The following OXR1 variants were observed in gnomAD, a reference collection of about 807,000 sequenced individuals.
OXR1 encodes oxidation resistance protein 1.
OXR1 carries 41 observed loss-of-function variants against 104.6 expected under a neutral mutation model. That is an observed-to-expected ratio of 0.39 (90% CI 0.31 to 0.51). OXR1 has a LOEUF of 0.51. OXR1 is among the 20% of genes least tolerant of loss of function. The probability of loss-of-function intolerance (pLI) is 0.77; values close to 1 mark genes in which losing one functional copy is unlikely to be tolerated. For synonymous variants in OXR1, 348 were observed against 348.4 expected (o/e 1.00, Z 0.01); for missense variants, 955 against 1,031.9 (o/e 0.93, Z 1.02).
intron 2 of OXR1, among the ~76,000 whole-genome samples, chr8:106,361,137 G>A (rs1366391201): frequency 3.9e-5 from 6 of 152,174 alleles, no homozygotes; most frequent in Admixed American, 6.6e-5. Flanking sequence ...CAGCCCAATT[G>A]TCCAGCACAG....
intron 2 of OXR1, among the ~76,000 whole-genome samples, chr8:106,422,277 A>G (rs192059151): frequency 5.9e-5 from 9 of 152,300 alleles, no homozygotes; most frequent in Admixed American, 1.3e-4. Flanking sequence ...TCCACTACAA[A>G]GATACAAAGT....
intron 3 of OXR1, among the ~76,000 whole-genome samples, chr8:106,647,302 C>T (rs1051026103): frequency 9.9e-5 from 15 of 152,128 alleles, no homozygotes; most frequent in African/African-American, 3.4e-4. Flanking sequence ...TAATATTAGA[C>T]TCTCTCCCAG....
At chr8:106,441,822 A>C (rs756354074) in intron 2 of OXR1, among the ~76,000 whole-genome samples, 1 of 152,124 alleles carries the variant, frequency 6.6e-6, no homozygotes, top group Non-Finnish European at 1.5e-5. Context: ...TTGGGGTGAG[A>C]TGATGGGGTT....
intron 2 of OXR1, among the ~76,000 whole-genome samples, chr8:106,395,223 A>G (rs905959265): frequency 3.3e-5 from 5 of 152,180 alleles, no homozygotes; most frequent in Non-Finnish European, 7.3e-5. Context: ...TAAAAGCTAA[A>G]ATAAGCAAAG....
chr8:106,518,655 C>A (rs1813031995), intron 2 of OXR1, among the ~76,000 whole-genome samples: 1 of 152,054 alleles, frequency 6.6e-6, no homozygotes, highest in African/African-American at 2.4e-5. Flanking sequence ...AATACATTAT[C>A]TTTGACACTA....
intron 2 of OXR1, among the ~76,000 whole-genome samples, chr8:106,429,869 G>A (rs1260717111): frequency 6.6e-6 from 1 of 151,894 alleles, no homozygotes; most frequent in Non-Finnish European, 1.5e-5. Context: ...TCAAATTTAT[G>A]AATATCTTCC....
chr8:106,342,771 T>A (rs28509369), intron 1 of OXR1, among the ~76,000 whole-genome samples: 99,437 of 152,068 alleles, frequency 0.65, 34,574 homozygotes, highest in African/African-American at 0.91. Context: ...GGGGTTATTT[T>A]TGTGTGGGAA....
At chr8:106,697,149 C>T (rs776562771) in intron 7 of OXR1, among the ~76,000 whole-genome samples, 5 of 152,104 alleles carry the variant, frequency 3.3e-5, no homozygotes, top group Non-Finnish European at 5.9e-5. Flanking sequence ...CAGGGCATGG[C>T]GGTGAGGGAC....
At chr8:106,288,180 G>A (rs549938763) in intron 1 of OXR1, among the ~76,000 whole-genome samples, 51 of 152,304 alleles carry the variant, frequency 3.3e-4, no homozygotes, top group African/African-American at 1.2e-3. Flanking sequence ...ACTGGCAGGT[G>A]AAGTGTATTG....
intron 1 of OXR1, among the ~76,000 whole-genome samples, chr8:106,270,990 C>T (rs1467146444): frequency 6.6e-6 from 1 of 152,018 alleles, no homozygotes; most frequent in East Asian, 1.9e-4. Context: ...CTGTCTCCCG[C>T]TAGAGTACCC....
rs185824124 is a variant in OXR1, at chr8:106,580,988, C to T, written c.220+61849C>T. 3.4e-4 allele frequency: 346 copies of T among 1,023,738 alleles called. 1 individual carries two copies. In the African/African-American group the frequency reaches 5.4e-3, roughly 16 times the overall value. 63.4% of individuals were successfully genotyped at this position (1,023,738 alleles called of 1,614,324 possible). A position where few individuals can be genotyped will look rare whatever the true frequency, so the allele number is the denominator to read the frequency against. On this transcript the variant is annotated intron_variant, in intron 3 of 16. Coordinates refer to ENST00000517566, the MANE Select transcript of OXR1 (RefSeq NM_001198533.2). ...CTTGTTTCCTCATTCTTGTGGCTAC[C>T]ACTGTCTTACCCAGCACTAAAAGCT...
At chr8:106,614,072 A>ATGTG (rs1424794759) in intron 3 of OXR1, among the ~76,000 whole-genome samples, 22 of 152,216 alleles carry the variant, frequency 1.4e-4, no homozygotes, top group African/African-American at 5.3e-4. Context: ...CAGCATTGCA[A>ATGTG]TGTGATATTA....
intron 1 of OXR1, among the ~76,000 whole-genome samples, chr8:106,308,011 C>G (rs1276818597): frequency 7.0e-6 from 1 of 142,074 alleles, no homozygotes; most frequent in East Asian, 1.9e-4. Context: ...CACACACACA[C>G]AAACACACAC....
intron 3 of OXR1, among the ~76,000 whole-genome samples, chr8:106,619,820 T>A (rs983837376): frequency 2.6e-5 from 4 of 152,084 alleles, no homozygotes; most frequent in Non-Finnish European, 5.9e-5. Context: ...GTGAGCAGGA[T>A]TCAGACCACT....
intron 3 of OXR1, among the ~76,000 whole-genome samples, chr8:106,557,990 A>T (rs990595670): frequency 2.0e-5 from 3 of 152,256 alleles, no homozygotes; most frequent in African/African-American, 7.2e-5. Flanking sequence ...TTTTACTGTG[A>T]TTGTTAATCT....
At chr8:106,302,762 GT>G (rs893328489) in intron 1 of OXR1, among the ~76,000 whole-genome samples, 1 of 151,726 alleles carries the variant, frequency 6.6e-6, no homozygotes, top group Non-Finnish European at 1.5e-5. Context: ...TTGTTTGTTT[GT>G]TTTTTTGAGA....
At chr8:106,595,078 A>G (rs1482307115) in intron 3 of OXR1, among the ~76,000 whole-genome samples, 1 of 152,240 alleles carries the variant, frequency 6.6e-6, no homozygotes, top group Non-Finnish European at 1.5e-5. Context: ...TGAAACATAT[A>G]GGCAAAACCA....
intron 1 of OXR1, among the ~76,000 whole-genome samples, chr8:106,331,997 AGTGTGTGTGT>A (rs3073756): frequency 2.9e-3 from 407 of 138,166 alleles, no homozygotes; most frequent in African/African-American, 6.3e-3. Flanking sequence ...GAAAGAACAT[AGTGTGTGTGT>A]GTGTGTGTGT....
At chr8:106,737,272 A>G (rs1185139040) in intron 11 of OXR1, among the ~76,000 whole-genome samples, 3 of 152,096 alleles carry the variant, frequency 2.0e-5, no homozygotes, top group East Asian at 1.9e-4. Context: ...AGTTGAATCT[A>G]TATGGAATAG....
Sources: gnomAD v4.1 joint callset for allele counts (sites outside exome capture counted in the v4.1 genomes callset) on GRCh38, gnomAD v4.1.1 for gene constraint, MANE v1.5 for transcripts, NCBI Gene and HGNC (gene_info 2026-07-23, HGNC 2026-07-21) for gene names.